YIPF5: variants seen among roughly 807,000 people sequenced by gnomAD.
The protein encoded by YIPF5 is Yip1 domain family member 5, also known as protein YIPF5.
YIPF5 carries 8 observed loss-of-function variants against 30.4 expected under a neutral mutation model. That is an observed-to-expected ratio of 0.26 (90% CI 0.15 to 0.47). The LOEUF is 0.47. YIPF5 is among the 20% of genes least tolerant of loss of function. The probability of loss-of-function intolerance (pLI) is 0.99; values close to 1 mark genes in which losing one functional copy is unlikely to be tolerated. For missense variants in YIPF5, 282 were observed against 301.8 expected, an observed-to-expected ratio of 0.93 and a Z score of 0.49; for synonymous variants, 104 against 107.9, an observed-to-expected ratio of 0.96 and a Z score of 0.23.
At chr5:144,163,555 T>C (rs1752111313) in intron 4 of YIPF5, among the ~76,000 whole-genome samples, 1 of 152,190 alleles carries the variant, frequency 6.6e-6, no homozygotes. Flanking sequence ...AAAAATCCCA[T>C]CTTCCGTATA....
At chr5:144,170,317 T>G (rs952146586) in intron 1 of YIPF5, 2 of 192,070 alleles carry the variant, frequency 1.0e-5, no homozygotes, top group Non-Finnish European at 2.2e-5. Flanking sequence ...ACAAGGCGAC[T>G]GCTTCCTTGC....
At chr5:144,170,038 T>A in intron 1 of YIPF5, 73 bp from the exon 2 acceptor site, 3 of 1,210,918 alleles carry the variant, frequency 2.5e-6, no homozygotes, top group Non-Finnish European at 3.6e-6. Flanking sequence ...GCAGTCTGCT[T>A]AAGCAAATAG....
intron 2 of YIPF5, among the ~76,000 whole-genome samples, chr5:144,169,161 G>A (rs1209423064): frequency 6.6e-6 from 1 of 152,134 alleles, no homozygotes; most frequent in Non-Finnish European, 1.5e-5. Context: ...AGAAACTAAG[G>A]AGATGATGTT....
intron 2 of YIPF5, among the ~76,000 whole-genome samples, chr5:144,168,613 G>A (rs1450903420): frequency 6.6e-6 from 1 of 152,090 alleles, no homozygotes; most frequent in African/African-American, 2.4e-5. Context: ...TTAAGTAACA[G>A]AAAAGAGAAA....
In YIPF5 at chr5:144,160,249, C is replaced by T. The variant is rs1421056354; in HGVS notation, c.*148G>A. The T allele has an allele frequency of 6.8e-6, 10 of 1,464,268 alleles. No homozygotes were observed. Among genetic ancestry groups the T allele is most frequent in the Non-Finnish European group, 9.0e-6 (10 of 1,109,792 alleles). 90.7% of individuals were successfully genotyped at this position (1,464,268 alleles called of 1,614,324 possible). A position where few individuals can be genotyped will look rare whatever the true frequency, so the allele number is the denominator to read the frequency against. ...TATGCAAAAGTTCTATAAAAATGAACAAGAGATACACGTTTACTTTCATTG... is the reference window on the plus strand; with the variant it reads ...TATGCAAAAGTTCTATAAAAATGAATAAGAGATACACGTTTACTTTCATTG... On this transcript the variant is annotated 3_prime_UTR_variant, in exon 6 of 6. Transcript: ENST00000274496.
chr5:144,162,634 A>T (rs1752080953), intron 4 of YIPF5, among the ~76,000 whole-genome samples: 1 of 152,188 alleles, frequency 6.6e-6, no homozygotes, highest in African/African-American at 2.4e-5. Context: ...GGCTTGGCAT[A>T]GAAGTGAACA....
At chr5:144,166,695 TTGCACAGG>T (rs1313802874) in intron 2 of YIPF5, among the ~76,000 whole-genome samples, 3 of 152,292 alleles carry the variant, frequency 2.0e-5, no homozygotes, top group Non-Finnish European at 4.4e-5. Context: ...CCAGTTCAGC[TTGCACAGG>T]TGCTTTTCGT....
rs953585078 is a variant in YIPF5 at position 144,159,330 on chromosome 5, T to C, written c.*1067A>G. 6.3e-5 allele frequency: 62 copies of C among 978,886 alleles called. No individual in the cohort carries two copies. Among genetic ancestry groups the C allele is most frequent in the African/African-American group, 2.4e-4 (14 of 57,200 alleles). 60.6% of individuals were successfully genotyped at this position (978,886 alleles called of 1,614,324 possible). A position where few individuals can be genotyped will look rare whatever the true frequency, so the allele number is the denominator to read the frequency against. On this transcript the variant is annotated 3_prime_UTR_variant, in exon 6 of 6. Transcript: ENST00000274496. The stretch of plus-strand genomic sequence containing the variant: ...GTACTTTACATTGATAATTGCAATA[T>C]TGAATTTTGTAAAACTTTAAATATT...
Position 144,160,558 on chromosome 5 carries a change from C to G in YIPF5, c.613G>C (p.Gly205Arg). ...SSFAVIFSLQ[G>R]MVGIILTAGI... The stretch of plus-strand genomic sequence containing the variant: ...GCAGTGAGAATGATTCCTACCATTC[C>G]TCTGTAAACAACAAGGAAAAAGGGG... The change falls in exon 6 of 6, where the codon GGA (glycine) becomes CGA (arginine). Residue 205 changes from glycine (G) to arginine (R), a missense_variant and splice_region_variant. Physicochemically the swap from Gly to Arg is moderately radical, Grantham distance 125. Coordinates refer to ENST00000274496, the MANE Select transcript of YIPF5 (RefSeq NM_030799.9). The G allele has an allele frequency of 3.1e-6, 5 of 1,609,284 alleles. No individual in the cohort carries two copies. Among genetic ancestry groups the G allele is most frequent in the Non-Finnish European group, 4.2e-6 (5 of 1,178,180 alleles).
At position 144,158,424 on chromosome 5, in the gene YIPF5, G is replaced by T. The variant is rs1283875786; in HGVS notation, c.*1973C>A. 4.7e-6 allele frequency: 6 copies of T among 1,266,760 alleles called. No homozygotes were observed. The South Asian group carries it at 7.8e-5, about 17-fold the overall frequency. The allele number at this position is 1,266,760 out of a possible 1,614,324, so 78.5% of individuals were successfully genotyped here. Reference sequence around the variant, plus strand: ...AATTTAAACTAAAAATGTTGTTGAGGATAGGGTAAACAACAAAAAAGAAAA... The same window carrying T: ...AATTTAAACTAAAAATGTTGTTGAGTATAGGGTAAACAACAAAAAAGAAAA... On this transcript the variant is annotated 3_prime_UTR_variant, in exon 6 of 6. Transcript: ENST00000274496.
At chr5:144,169,098 T>C (rs948434560) in intron 2 of YIPF5, among the ~76,000 whole-genome samples, 12 of 152,312 alleles carry the variant, frequency 7.9e-5, no homozygotes, top group African/African-American at 2.6e-4. Context: ...AATCCTAGTA[T>C]AGGAAGCTCC....
intron 1 of YIPF5, 57 bp from the exon 2 acceptor site, chr5:144,170,022 T>C (rs1752324926): frequency 7.1e-7 from 1 of 1,403,760 alleles, no homozygotes; most frequent in Non-Finnish European, 1.0e-6. Context: ...ACTGAATTCG[T>C]TCCTGGCAGT....
chr5:144,166,715 G>C (rs930196962), intron 2 of YIPF5, among the ~76,000 whole-genome samples: 6 of 152,046 alleles, frequency 3.9e-5, no homozygotes, highest in African/African-American at 1.5e-4. Flanking sequence ...GCTTTTCGTA[G>C]AGGCAGTAAT....
chr5:144,160,253 A>G lies in YIPF5; in HGVS notation c.*144T>C. The G allele has an allele frequency of 2.0e-6, 3 of 1,478,924 alleles. No individual in the cohort carries two copies. The highest frequency in any genetic ancestry group is 2.0e-4 in the Middle Eastern group (1 of 4,986). 91.6% of individuals were successfully genotyped at this position (1,478,924 alleles called of 1,614,324 possible). A position where few individuals can be genotyped will look rare whatever the true frequency, so the allele number is the denominator to read the frequency against. ...CAAAAGTTCTATAAAAATGAACAAG[A>G]GATACACGTTTACTTTCATTGCTCC... On this transcript the variant is annotated 3_prime_UTR_variant, in exon 6 of 6. Transcript: ENST00000274496.
chr5:144,160,534 C>G lies in YIPF5; in HGVS notation c.637G>C (p.Ala213Pro). ...AAACTACACCATCCAATAATCCCAG[C>G]AGTGAGAATGATTCCTACCATTCCT... ...LQGMVGIILT[A>P]GIIGWCSFSA... is the part of the protein sequence containing the mutation. The change falls in exon 6 of 6, where the codon GCT becomes CCT. Residue 213 changes from alanine (A) to proline (P), a missense_variant. Coordinates refer to ENST00000274496, the MANE Select transcript of YIPF5 (RefSeq NM_030799.9). 3.1e-6 allele frequency: 5 copies of G among 1,613,624 alleles called. No individual in the cohort carries two copies. The highest frequency in any genetic ancestry group is 4.2e-6 in the Non-Finnish European group (5 of 1,179,878).
Position 144,159,770 on chromosome 5 carries a change from G to A in YIPF5, c.*627C>T. The A allele has an allele frequency of 1.2e-6, 1 of 800,686 alleles. No individual in the cohort carries two copies. Among genetic ancestry groups the A allele is most frequent in the Non-Finnish European group, 1.5e-6 (1 of 668,382 alleles). 49.6% of individuals were successfully genotyped at this position (800,686 alleles called of 1,614,324 possible). A position where few individuals can be genotyped will look rare whatever the true frequency, so the allele number is the denominator to read the frequency against. On this transcript the variant is annotated 3_prime_UTR_variant, in exon 6 of 6. Transcript: ENST00000274496. ...CCCAGGCTGGATGGAGTGCAGTGGTGTGATCTCGGCTCACTGCAAGCTCCG... is the reference window on the plus strand; with the variant it reads ...CCCAGGCTGGATGGAGTGCAGTGGTATGATCTCGGCTCACTGCAAGCTCCG...
At chr5:144,167,479 T>C (rs181527623) in intron 2 of YIPF5, among the ~76,000 whole-genome samples, 12 of 152,280 alleles carry the variant, frequency 7.9e-5, no homozygotes, top group African/African-American at 2.9e-4. Context: ...TCCATAAAGA[T>C]ACTACCAGGT....
At chr5:144,161,021 C>T (rs982372582) in intron 5 of YIPF5, among the ~76,000 whole-genome samples, 2 of 152,114 alleles carry the variant, frequency 1.3e-5, no homozygotes, top group Admixed American at 6.5e-5. Flanking sequence ...TAGAAAATAA[C>T]TTCTGTAAAA....
chr5:144,168,452 G>A (rs1752260857), intron 2 of YIPF5, among the ~76,000 whole-genome samples: 1 of 152,136 alleles, frequency 6.6e-6, no homozygotes, highest in Non-Finnish European at 1.5e-5. Context: ...TTTAGGCAAG[G>A]ATTTATTAGA....
Sources: allele counts gnomAD v4.1 joint callset (sites outside exome capture counted in the v4.1 genomes callset), GRCh38; gene constraint gnomAD v4.1.1; transcripts MANE v1.5; gene names NCBI Gene and HGNC (gene_info 2026-07-23, HGNC 2026-07-21).